The following BRWD1 variants were observed in gnomAD, a reference collection of about 807,000 sequenced individuals.
BRWD1 encodes the protein bromodomain and WD repeat domain containing 1.
In BRWD1, 82 loss-of-function variants were observed where a neutral mutation model predicts 251.2. That is an observed-to-expected ratio of 0.33 (90% confidence interval 0.27 to 0.39). BRWD1 has a LOEUF of 0.39. Ranked by LOEUF, BRWD1 falls within the 10% of genes least tolerant of loss-of-function variation. The probability of loss-of-function intolerance (pLI) is 1.00; values close to 1 mark genes in which losing one functional copy is unlikely to be tolerated. For missense variants in BRWD1, 2,233 were observed against 2,711.6 expected (o/e 0.82, Z 3.92); for synonymous variants, 918 against 902.8 (o/e 1.02, Z -0.30).
intron 4 of BRWD1, among the ~76,000 whole-genome samples, chr21:39,306,718 T>C (rs1219194856): frequency 1.3e-5 from 2 of 152,218 alleles, no homozygotes; most frequent in African/African-American, 4.8e-5. Context: ...AAGTTATTTA[T>C]ACTGAAATCA....
chr21:39,213,652 A>AC (rs532040260), intron 32 of BRWD1, 99 bp from the exon 33 acceptor site: 11 of 692,822 alleles, frequency 1.6e-5, no homozygotes, highest in Non-Finnish European at 2.6e-5. Context: ...ACCAACCTAT[A>AC]CGTGCCTAAT....
Position 39,187,044 on chromosome 21 carries a change from C to A in BRWD1, c.*9215G>T. The A allele has an allele frequency of 6.4e-7, 1 of 1,566,828 alleles. No individual in the cohort carries two copies. The highest frequency in any genetic ancestry group is 8.6e-7 in the Non-Finnish European group (1 of 1,163,166). The stretch of plus-strand genomic sequence containing the variant: ...ATAGTCACTATTGTGCATTTTCTTT[C>A]CAGGATCTGAACCCCCTTAAAAAAA... On this transcript the variant is annotated 3_prime_UTR_variant, in exon 41 of 41. Coordinates refer to ENST00000342449, the MANE Select transcript of BRWD1 (RefSeq NM_033656.4).
chr21:39,219,803 T>G (rs927305987), intron 29 of BRWD1: 1 of 152,226 alleles, frequency 6.6e-6, no homozygotes, highest in South Asian at 2.1e-4. Context: ...GGATGATAAA[T>G]GATTCCTATA....
chr21:39,296,923 G>T (rs1428994544), intron 5 of BRWD1: 1 of 984,538 alleles, frequency 1.0e-6, no homozygotes, highest in Non-Finnish European at 1.2e-6. Context: ...TTCATGACTT[G>T]TTCAGTTTTA....
chr21:39,307,341 AT>A (rs966426664), intron 4 of BRWD1, among the ~76,000 whole-genome samples: 8 of 152,020 alleles, frequency 5.3e-5, no homozygotes, highest in East Asian at 3.9e-4. Flanking sequence ...TTATTTTGTA[AT>A]TTTTTTTACT....
At chr21:39,227,466 T>A (rs2033428683) in intron 27 of BRWD1, among the ~76,000 whole-genome samples, 1 of 152,040 alleles carries the variant, frequency 6.6e-6, no homozygotes, top group African/African-American at 2.4e-5. Flanking sequence ...CTGAGATTAA[T>A]AATCTACACA....
At chr21:39,259,351 C>T (rs1178286383) in intron 17 of BRWD1, among the ~76,000 whole-genome samples, 2 of 152,124 alleles carry the variant, frequency 1.3e-5, no homozygotes, top group South Asian at 2.1e-4. Flanking sequence ...AGTGCAGTGG[C>T]GTGATCTTGG....
At chr21:39,263,395 T>C (rs1346975327) in intron 17 of BRWD1, among the ~76,000 whole-genome samples, 1 of 151,920 alleles carries the variant, frequency 6.6e-6, no homozygotes. Context: ...AAGACAAACC[T>C]GGAACATCCT....
intron 8 of BRWD1, among the ~76,000 whole-genome samples, chr21:39,288,360 G>A (rs968319492): frequency 2.6e-5 from 4 of 152,198 alleles, no homozygotes; most frequent in African/African-American, 7.2e-5. Flanking sequence ...GACTACAGTG[G>A]CCTAAGTGCC....
chr21:39,228,596 T>A lies in BRWD1; in HGVS notation c.3126-14A>T. ...ATATCATGATATCTAGACAAAAATT[T>A]AAAAAATTGTTAAACTCTCTACATA... On this transcript the variant is annotated splice_polypyrimidine_tract_variant and intron_variant, in intron 26 of 40. Coordinates refer to ENST00000342449, the MANE Select transcript of BRWD1 (RefSeq NM_033656.4). 1 of 1,540,038 alleles carries A rather than the reference T, an allele frequency of 6.5e-7. No individual in the cohort carries two copies. Among genetic ancestry groups the A allele is most frequent in the Non-Finnish European group, 9.0e-7 (1 of 1,113,842 alleles).
intron 5 of BRWD1, chr21:39,297,983 G>T (rs952628110): frequency 1.1e-5 from 11 of 985,698 alleles, no homozygotes; most frequent in Non-Finnish European, 1.3e-5. Context: ...TTTTACATTT[G>T]TGGTGCTTGT....
upstream of BRWD1, chr21:39,313,672 G>GGGGGAGGAAGTAGTCCCTCCGCC: frequency 2.4e-6 from 1 of 419,732 alleles, no homozygotes. Context: ...GTTCCTCCGC[G>GGGGGAGGAAGTAGTCCCTCCGCC]GGAGACGAAA....
chr21:39,186,793 T>A lies in BRWD1; in HGVS notation c.*9466A>T. The A allele has an allele frequency of 1.9e-6, 1 of 521,512 alleles. No homozygotes were observed. The highest frequency in any genetic ancestry group is 2.9e-6 in the Non-Finnish European group (1 of 340,182). 32.3% of individuals were successfully genotyped at this position (521,512 alleles called of 1,614,324 possible). ...TAGTCTTATAGCAGGCCATTTGTCTTTTCTTTCCACCTCTCCACCTACAGA... is the reference window on the plus strand; with the variant it reads ...TAGTCTTATAGCAGGCCATTTGTCTATTCTTTCCACCTCTCCACCTACAGA... On this transcript the variant is annotated 3_prime_UTR_variant, in exon 41 of 41. Transcript: ENST00000342449.
At chr21:39,214,405 TTAAA>T (rs2032793986) in intron 32 of BRWD1, among the ~76,000 whole-genome samples, 1 of 152,064 alleles carries the variant, frequency 6.6e-6, no homozygotes, top group Non-Finnish European at 1.5e-5. Context: ...CAAAATCCAA[TTAAA>T]TATACTCTAT....
Position 39,191,665 on chromosome 21 carries a change from T to G in BRWD1, c.*4594A>C, listed in dbSNP as rs1396594565. Reference sequence around the variant, plus strand: ...AATATATCAAAAATTAAAGATCCCTTTAACTTTTACCCACTGATCAAAAAA... The same window carrying G: ...AATATATCAAAAATTAAAGATCCCTGTAACTTTTACCCACTGATCAAAAAA... On this transcript the variant is annotated 3_prime_UTR_variant, in exon 41 of 41. Coordinates refer to ENST00000342449, the MANE Select transcript of BRWD1 (RefSeq NM_033656.4). 10 of 984,692 alleles carry G rather than the reference T, an allele frequency of 1.0e-5. No individual in the cohort carries two copies. Among genetic ancestry groups the G allele is most frequent in the Non-Finnish European group, 1.1e-5 (9 of 829,362 alleles). 61.0% of individuals were successfully genotyped at this position (984,692 alleles called of 1,614,324 possible).
chr21:39,199,146 TCAGAA>T lies in BRWD1; in HGVS notation c.5265_5269del (p.Ser1756GlyfsTer4), dbSNP rs1208425186. The T allele has an allele frequency of 6.2e-7, 1 of 1,614,116 alleles. No individual in the cohort carries two copies. Among genetic ancestry groups the T allele is most frequent in the Non-Finnish European group, 8.5e-7 (1 of 1,179,998 alleles). ...TGAATCATGACTTTTAGAGTCTTCC[TCAGAA>T]GACTCTATTTTAAGAAATTTTGTCT... is the stretch of plus-strand genomic sequence containing the variant. On this transcript the variant is annotated frameshift_variant, in exon 40 of 41. Transcript: ENST00000342449. LOFTEE classifies it high-confidence loss of function.
intron 32 of BRWD1, 56 bp downstream of exon 32, chr21:39,215,181 A>G: frequency 6.3e-7 from 1 of 1,574,870 alleles, no homozygotes; most frequent in Non-Finnish European, 8.7e-7. Context: ...AAACTAGATG[A>G]TTGTTAATAG....
In BRWD1 at chr21:39,272,301, T is replaced by TAA. The variant is rs746781112; in HGVS notation, c.1245-1870_1245-1869dup. 6.3e-3 allele frequency among the ~76,000 whole-genome samples: 658 copies of TAA among 104,578 alleles called. 7 individuals carry two copies. The highest frequency in any genetic ancestry group is 0.02 in the African/African-American group (609 of 29,934). 68.6% of individuals were successfully genotyped at this position (104,578 alleles called of 152,430 possible). ...CATTGTGCACATGTACCCTAAAACT[T>TAA]AAATAAATAAAAAAAAAAAAAAAGA... On this transcript the variant is annotated intron_variant, in intron 13 of 40. Transcript: ENST00000342449.
At chr21:39,255,532 C>T (rs2034536240) in intron 19 of BRWD1, 113 bp downstream of exon 19, 11 of 845,572 alleles carry the variant, frequency 1.3e-5, no homozygotes, top group Middle Eastern at 3.4e-4. Flanking sequence ...CCACTCATTA[C>T]TAATATATTT....
Sources: allele counts gnomAD v4.1 joint callset (sites outside exome capture counted in the v4.1 genomes callset), GRCh38; gene constraint gnomAD v4.1.1; transcripts MANE v1.5; gene names NCBI Gene and HGNC (gene_info 2026-07-23, HGNC 2026-07-21).